Variants in MGLL observed in about 807,000 individuals in gnomAD.
The protein encoded by MGLL is lysophospholipase homolog.
In MGLL, 7 loss-of-function variants were observed where a neutral mutation model predicts 29.1. That is an observed-to-expected ratio of 0.24 (90% confidence interval 0.14 to 0.45). The LOEUF is 0.45. MGLL is among the 20% of genes least tolerant of loss of function. The pLI, the probability that MGLL is intolerant of heterozygous loss-of-function variation, is 0.99. For missense variants in MGLL, 356 were observed against 413.6 expected (o/e 0.86, Z 1.21); for synonymous variants, 148 against 168.3 (o/e 0.88, Z 0.93).
chr3:127,818,858 A>G (rs2107762172), intron 2 of MGLL, among the ~76,000 whole-genome samples: 1 of 152,364 alleles, frequency 6.6e-6, no homozygotes, highest in East Asian at 1.9e-4. Context: ...TCATGTGTGC[A>G]CAGAATCTAG....
intron 2 of MGLL, among the ~76,000 whole-genome samples, chr3:127,784,422 T>C (rs1350680128): frequency 2.0e-5 from 3 of 152,142 alleles, no homozygotes; most frequent in African/African-American, 7.2e-5. Flanking sequence ...GGAACTTAAG[T>C]GTGGTGAGAA....
intron 3 of MGLL, among the ~76,000 whole-genome samples, chr3:127,778,339 A>T (rs767688323): frequency 6.6e-6 from 1 of 152,248 alleles, no homozygotes; most frequent in African/African-American, 2.4e-5. Flanking sequence ...CACGGGGACA[A>T]GAACCCCCTA....
At chr3:127,754,478 C>T (rs991358481) in intron 3 of MGLL, among the ~76,000 whole-genome samples, 1 of 152,254 alleles carries the variant, frequency 6.6e-6, no homozygotes, top group Non-Finnish European at 1.5e-5. Context: ...GGGCCTCACC[C>T]CTCACCGGCG....
chr3:127,719,610 C>T lies in MGLL; in HGVS notation c.510+1443G>A, dbSNP rs532489922. Reference sequence around the variant, plus strand: ...AGCGGGAACGCCCCTGCTGCTGAGTCTGGGCCTGCTTATTCTACTTAGATA... The same window carrying T: ...AGCGGGAACGCCCCTGCTGCTGAGTTTGGGCCTGCTTATTCTACTTAGATA... On this transcript the variant is annotated intron_variant, in intron 5 of 7. Transcript: ENST00000265052. Among the ~76,000 whole-genome samples, 16 of 152,338 alleles carry T rather than the reference C, an allele frequency of 1.1e-4. No individual in the cohort carries two copies. The East Asian group carries it at 1.7e-3, about 17-fold the overall frequency.
At chr3:127,799,767 A>G (rs1481473327) in intron 2 of MGLL, among the ~76,000 whole-genome samples, 3 of 152,330 alleles carry the variant, frequency 2.0e-5, no homozygotes, top group Admixed American at 6.5e-5. Flanking sequence ...CATATTTATG[A>G]AATGAATAGA....
At chr3:127,813,426 G>C (rs955649983) in intron 2 of MGLL, among the ~76,000 whole-genome samples, 5 of 152,216 alleles carry the variant, frequency 3.3e-5, no homozygotes, top group African/African-American at 9.7e-5. Flanking sequence ...ACTGTCAACA[G>C]ACCCAGCAAA....
chr3:127,732,182 C>T (rs879742030), intron 3 of MGLL, among the ~76,000 whole-genome samples: 6 of 152,080 alleles, frequency 3.9e-5, no homozygotes, highest in Non-Finnish European at 5.9e-5. Flanking sequence ...AATAGCTTTG[C>T]GTAAGGAAAG....
intron 2 of MGLL, among the ~76,000 whole-genome samples, chr3:127,785,788 T>G (rs2077202120): frequency 6.6e-6 from 1 of 152,250 alleles, no homozygotes; most frequent in Admixed American, 6.5e-5. Context: ...CAAACAACGT[T>G]GTCCCTGCCC....
rs368505428 is a variant in MGLL, at chr3:127,755,264, G to T, written c.262+26525C>A. Among the ~76,000 whole-genome samples the T allele has an allele frequency of 8.5e-5, 13 of 152,320 alleles. 3 individuals carry two copies. Among genetic ancestry groups the T allele is most frequent in the South Asian group, 2.1e-4 (1 of 4,832 alleles). On this transcript the variant is annotated intron_variant, in intron 3 of 7. Transcript: ENST00000265052. ...AAACCAAAGATGAAACTGTTCACGTGAGCTAGACTCAACGCTCTTGTAAAA... is the reference window on the plus strand; with the variant it reads ...AAACCAAAGATGAAACTGTTCACGTTAGCTAGACTCAACGCTCTTGTAAAA...
At chr3:127,694,286 A>AAAAAAAAT (rs1174705130) in intron 7 of MGLL, among the ~76,000 whole-genome samples, 2 of 97,906 alleles carry the variant, frequency 2.0e-5, no homozygotes, top group Non-Finnish European at 3.8e-5. Flanking sequence ...AAAAAAAAAA[A>AAAAAAAAT]ATATATATAT....
At chr3:127,810,702 A>G (rs1237373228) in intron 2 of MGLL, among the ~76,000 whole-genome samples, 1 of 152,224 alleles carries the variant, frequency 6.6e-6, no homozygotes, top group Non-Finnish European at 1.5e-5. Context: ...GTTCAGCAAG[A>G]GCTAGTGCCA....
chr3:127,714,238 A>T (rs1272896094), intron 5 of MGLL: 1 of 152,192 alleles, frequency 6.6e-6, no homozygotes, highest in East Asian at 1.9e-4. Context: ...AAAGCCAAGG[A>T]CTGGGAGGCC....
intron 2 of MGLL, among the ~76,000 whole-genome samples, chr3:127,784,487 G>A (rs984657963): frequency 1.3e-5 from 2 of 152,180 alleles, no homozygotes; most frequent in African/African-American, 4.8e-5. Context: ...TCCCTGGGGG[G>A]TATGCTGGGT....
intron 3 of MGLL, among the ~76,000 whole-genome samples, chr3:127,731,821 A>C (rs1348109405): frequency 2.6e-5 from 4 of 152,222 alleles, no homozygotes; most frequent in African/African-American, 9.7e-5. Flanking sequence ...CTGTCAATGG[A>C]ATAAACTTCT....
chr3:127,790,126 C>G (rs1359012693), intron 2 of MGLL, among the ~76,000 whole-genome samples: 2 of 152,202 alleles, frequency 1.3e-5, no homozygotes, highest in Admixed American at 6.5e-5. Context: ...CCTGGATCTG[C>G]CCCTGACTGG....
At chr3:127,739,101 C>T (rs143215571) in intron 3 of MGLL, among the ~76,000 whole-genome samples, 1 of 152,212 alleles carries the variant, frequency 6.6e-6, no homozygotes, top group African/African-American at 2.4e-5. Context: ...GCTCTGATTG[C>T]AAAAGTAAAA....
chr3:127,813,603 G>A (rs941437394), intron 2 of MGLL, among the ~76,000 whole-genome samples: 14 of 152,190 alleles, frequency 9.2e-5, no homozygotes, highest in Non-Finnish European at 1.6e-4. Context: ...GAAGCAACGT[G>A]TGATCAGGAG....
chr3:127,817,180 T>G (rs2077772381), intron 2 of MGLL, among the ~76,000 whole-genome samples: 1 of 152,202 alleles, frequency 6.6e-6, no homozygotes, highest in African/African-American at 2.4e-5. Flanking sequence ...TTCCAGAAGG[T>G]CTCCATAAAT....
chr3:127,755,187 G>A (rs664910), intron 3 of MGLL, among the ~76,000 whole-genome samples: 96,092 of 152,048 alleles, frequency 0.63, 31,810 homozygotes, highest in Middle Eastern at 0.78. Flanking sequence ...ATAAAACCTG[G>A]ATTCAAATGA....
Sources: gnomAD v4.1 joint callset for allele counts (sites outside exome capture counted in the v4.1 genomes callset) on GRCh38, gnomAD v4.1.1 for gene constraint, MANE v1.5 for transcripts, NCBI Gene and HGNC (gene_info 2026-07-23, HGNC 2026-07-21) for gene names.